The following MAGI2 variants were observed in gnomAD, a reference collection of about 807,000 sequenced individuals.
The protein encoded by MAGI2 is membrane associated guanylate kinase, WW and PDZ domain containing 2.
In MAGI2, 35 loss-of-function variants were observed where a neutral mutation model predicts 133.3. The observed-to-expected ratio is 0.26, with a 90% CI of 0.20 to 0.35. The LOEUF (loss-of-function observed/expected upper bound fraction) is 0.35. MAGI2 is among the 10% of genes least tolerant of loss of function. The pLI, the probability that MAGI2 is intolerant of heterozygous loss-of-function variation, is 1.00. For missense variants in MAGI2, 1,636 were observed against 1,863.4 expected (o/e 0.88, Z 2.25); for synonymous variants, 729 against 710.6 (o/e 1.03, Z -0.41).
chr7:78,768,012 A>G (rs1421443000), intron 2 of MAGI2, among the ~76,000 whole-genome samples: 1 of 152,184 alleles, frequency 6.6e-6, no homozygotes, highest in African/African-American at 2.4e-5. Flanking sequence ...ACTATTTTCT[A>G]CAGTTTAGTT....
chr7:78,410,767 G>A lies in MAGI2; in HGVS notation c.1046-41554C>T, dbSNP rs191554296. Among the ~76,000 whole-genome samples, 29 of 152,054 alleles carry A rather than the reference G, an allele frequency of 1.9e-4. No homozygotes were observed. In the East Asian group the frequency reaches 5.6e-3, roughly 30 times the overall value. On this transcript the variant is annotated intron_variant, in intron 6 of 21. Transcript: ENST00000354212. ...GAAAAAAAAGCAAGTGAAGAATTAT[G>A]GCAGATTCTGTGGGAAAGAAGACCA... is the stretch of plus-strand genomic sequence containing the variant.
In MAGI2 at chr7:79,343,885, T is replaced by C. The variant is rs541845365; in HGVS notation, c.301+109135A>G. On this transcript the variant is annotated intron_variant, in intron 1 of 21. Transcript: ENST00000354212. Reference sequence around the variant, plus strand: ...AAGCAACAGCACTTAATCAATTACATCCATCCATGTATCTGTATACAAGCT... The same window carrying C: ...AAGCAACAGCACTTAATCAATTACACCCATCCATGTATCTGTATACAAGCT... Among the ~76,000 whole-genome samples the C allele has an allele frequency of 3.9e-5, 6 of 152,264 alleles. No homozygotes were observed. The South Asian group carries it at 1.2e-3, about 32-fold the overall frequency.
intron 9 of MAGI2, among the ~76,000 whole-genome samples, chr7:78,313,625 G>A (rs376076526): frequency 1.2e-4 from 17 of 139,756 alleles, no homozygotes; most frequent in African/African-American, 4.6e-4. Context: ...CTTTGCTATT[G>A]GTACAAAAAA....
At chr7:78,410,824 A>G (rs1263773497) in intron 6 of MAGI2, among the ~76,000 whole-genome samples, 3 of 152,138 alleles carry the variant, frequency 2.0e-5, no homozygotes, top group East Asian at 1.9e-4. Context: ...TAGTCAGTCA[A>G]AAGATCAAAG....
intron 2 of MAGI2, chr7:78,940,447 A>G (rs1800876318): frequency 6.6e-6 from 1 of 152,100 alleles, no homozygotes; most frequent in South Asian, 2.1e-4. Context: ...TATTTTCTCT[A>G]TGTCATTTTA....
chr7:79,310,939 C>A (rs536868215), intron 1 of MAGI2, among the ~76,000 whole-genome samples: 1 of 95,752 alleles, frequency 1.0e-5, no homozygotes, highest in African/African-American at 3.0e-5. Context: ...CTTTAAAACA[C>A]ACACACATGC....
At chr7:78,582,990 T>G (rs1467566718) in intron 3 of MAGI2, among the ~76,000 whole-genome samples, 3 of 152,204 alleles carry the variant, frequency 2.0e-5, no homozygotes, top group African/African-American at 4.8e-5. Context: ...CTGCTTACCT[T>G]TTCCCAGATT....
chr7:78,454,008 C>A (rs1789028041), intron 6 of MAGI2, among the ~76,000 whole-genome samples: 1 of 151,958 alleles, frequency 6.6e-6, no homozygotes. Flanking sequence ...TACCTATCAC[C>A]CAACACATTT....
chr7:78,802,438 A>G (rs1788149935), intron 2 of MAGI2, among the ~76,000 whole-genome samples: 1 of 152,208 alleles, frequency 6.6e-6, no homozygotes, highest in Non-Finnish European at 1.5e-5. Flanking sequence ...CAGTTCAGTG[A>G]AATGTCCCAA....
At chr7:78,896,221 A>G (rs573520801) in intron 2 of MAGI2, among the ~76,000 whole-genome samples, 4 of 152,066 alleles carry the variant, frequency 2.6e-5, no homozygotes, top group Non-Finnish European at 5.9e-5. Flanking sequence ...ATATTTCAGA[A>G]TCTATTTCAC....
chr7:78,621,659 T>C, intron 3 of MAGI2, among the ~76,000 whole-genome samples: 1 of 151,990 alleles, frequency 6.6e-6, no homozygotes, highest in East Asian at 1.9e-4. Flanking sequence ...CCATGTGGCA[T>C]AGCTATAGAT....
At chr7:78,459,558 T>G (rs576484520) in intron 6 of MAGI2, among the ~76,000 whole-genome samples, 3 of 152,224 alleles carry the variant, frequency 2.0e-5, no homozygotes, top group Admixed American at 6.5e-5. Flanking sequence ...GAATTTAATA[T>G]TCCTCCATTT....
intron 20 of MAGI2, among the ~76,000 whole-genome samples, chr7:78,111,557 A>C (rs1211848771): frequency 6.6e-6 from 1 of 152,106 alleles, no homozygotes; most frequent in African/African-American, 2.4e-5. Flanking sequence ...TTGACAATGG[A>C]GCTCCCCATG....
At chr7:78,684,427 A>T (rs1437062350) in intron 2 of MAGI2, among the ~76,000 whole-genome samples, 2 of 152,174 alleles carry the variant, frequency 1.3e-5, no homozygotes, top group Non-Finnish European at 2.9e-5. Flanking sequence ...TTTCCTTTGT[A>T]TGACTGGGTG....
intron 1 of MAGI2, among the ~76,000 whole-genome samples, chr7:79,182,193 A>G (rs557415615): frequency 6.6e-6 from 1 of 152,032 alleles, no homozygotes; most frequent in East Asian, 1.9e-4. Context: ...CCAATTTACC[A>G]TATTAGTCCA....
intron 1 of MAGI2, among the ~76,000 whole-genome samples, chr7:79,370,180 T>C (rs1177542776): frequency 6.6e-6 from 1 of 152,164 alleles, no homozygotes; most frequent in East Asian, 1.9e-4. Flanking sequence ...CTAAACACTT[T>C]ATTGTACATA....
At chr7:78,797,015 A>C (rs1787674518) in intron 2 of MAGI2, among the ~76,000 whole-genome samples, 1 of 152,188 alleles carries the variant, frequency 6.6e-6, no homozygotes, top group South Asian at 2.1e-4. Context: ...AAGTTGGTTC[A>C]TGGGTACAAA....
intron 2 of MAGI2, among the ~76,000 whole-genome samples, chr7:78,777,023 T>C (rs1826039814): frequency 6.6e-6 from 1 of 152,212 alleles, no homozygotes; most frequent in Non-Finnish European, 1.5e-5. Context: ...GCTACTCACC[T>C]CTTTTTGACT....
chr7:78,838,235 T>C (rs1318034762), intron 2 of MAGI2, among the ~76,000 whole-genome samples: 1 of 152,134 alleles, frequency 6.6e-6, no homozygotes, highest in Non-Finnish European at 1.5e-5. Flanking sequence ...AGATGTTTTT[T>C]TCATGAATGT....
Sources: gnomAD v4.1 joint callset for allele counts (sites outside exome capture counted in the v4.1 genomes callset) on GRCh38, gnomAD v4.1.1 for gene constraint, MANE v1.5 for transcripts, NCBI Gene and HGNC (gene_info 2026-07-23, HGNC 2026-07-21) for gene names.